FHL1: variants seen among roughly 807,000 people sequenced by gnomAD.
FHL1 encodes the protein four and a half LIM domains protein 1.
FHL1 carries 1 observed loss-of-function variant against 20.3 expected under a neutral mutation model. The observed-to-expected ratio is 0.05, with a 90% confidence interval of 0.02 to 0.23. The LOEUF is 0.23. Ranked by LOEUF, FHL1 falls within the 10% of genes least tolerant of loss-of-function variation. FHL1 has a pLI of 1.00. For synonymous variants in FHL1, 82 were observed against 88.9 expected (o/e 0.92, Z 0.44); for missense variants, 177 against 234.0 (o/e 0.76, Z 1.59).
intron 2 of FHL1, among the ~76,000 whole-genome samples, chrX:136,170,489 AG>A (rs2072834022): frequency 9.0e-6 from 1 of 111,391 alleles, no homozygotes; most frequent in South Asian, 3.8e-4. Flanking sequence ...AATAGGGTCC[AG>A]GAGATTTTCT....
intron 2 of FHL1, among the ~76,000 whole-genome samples, chrX:136,171,768 A>G (rs1379003191): frequency 1.8e-5 from 2 of 112,530 alleles, no homozygotes; most frequent in African/African-American, 6.4e-5. Context: ...ACATCTTTAC[A>G]TTGACCAAAA....
At chrX:136,203,649 A>G (rs777633058) in intron 1 of FHL1, among the ~76,000 whole-genome samples, 2 of 112,260 alleles carry the variant, frequency 1.8e-5, no homozygotes, top group South Asian at 7.4e-4. Context: ...ATGTTCTAGA[A>G]CTATGAGACT....
chrX:136,187,003 G>C (rs2073321902), intron 2 of FHL1, among the ~76,000 whole-genome samples: 1 of 110,700 alleles, frequency 9.0e-6, no homozygotes, highest in African/African-American at 3.3e-5. Context: ...CTATGTACAT[G>C]TTCAAAAAGT....
chrX:136,208,986 T>G (rs1603272664), intron 5 of FHL1, among the ~76,000 whole-genome samples: 1 of 101,400 alleles, frequency 9.9e-6, no homozygotes, highest in Admixed American at 1.1e-4. Context: ...GGGGAAGGGG[T>G]AAGGGAGGCC....
intron 2 of FHL1, among the ~76,000 whole-genome samples, chrX:136,187,874 C>G (rs1013915757): frequency 1.1e-4 from 12 of 111,853 alleles, no homozygotes; most frequent in African/African-American, 3.2e-4. Context: ...TTAAATTTTA[C>G]TTAGAGATGG....
chrX:136,209,719 G>A (rs1220814047), intron 5 of FHL1, 152 bp from the exon 6 acceptor site: 3 of 639,742 alleles, frequency 4.7e-6, no homozygotes, highest in South Asian at 2.9e-5. Flanking sequence ...GGAGGAGGGG[G>A]TCTGGGAGCC....
At chrX:136,162,709 A>G (rs2072605893) in intron 1 of FHL1, among the ~76,000 whole-genome samples, 1 of 111,060 alleles carries the variant, frequency 9.0e-6, no homozygotes, top group South Asian at 3.8e-4. Flanking sequence ...CTCTCAGGAG[A>G]TTTTGAGGCA....
chrX:136,184,768 G>T (rs1291861227), intron 2 of FHL1, among the ~76,000 whole-genome samples: 1 of 111,030 alleles, frequency 9.0e-6, no homozygotes, highest in East Asian at 2.8e-4. Flanking sequence ...TACCTACTTG[G>T]GTACAAAGCC....
At chrX:136,173,761 T>C (rs2072932808) in intron 2 of FHL1, among the ~76,000 whole-genome samples, 1 of 106,100 alleles carries the variant, frequency 9.4e-6, no homozygotes, top group South Asian at 4.4e-4. Context: ...TGCAGTGGCG[T>C]GATCTCCGCT....
chrX:136,199,677 G>C (rs745404878), intron 1 of FHL1, among the ~76,000 whole-genome samples: 24 of 112,518 alleles, frequency 2.1e-4, no homozygotes, highest in Non-Finnish European at 4.1e-4. Flanking sequence ...GTACTGGTAG[G>C]TTGGATTTAG....
rs759110550 is a variant in FHL1 at position 136,206,568 on chromosome X, C to T, written c.184C>T (p.Pro62Ser). Residue 62 changes from proline (P) to serine (S), a missense_variant, in exon 2 of 6, where the codon CCC becomes TCC. By Grantham distance (74) the Pro-to-Ser change is moderately conservative. Coordinates refer to ENST00000370683, the MANE Select transcript of FHL1 (RefSeq NM_001159699.2). The part of the protein sequence containing the change: ...CANTCVECRK[P>S]IGADSKEVHY... ...CAACACCTGTGTGGAATGCCGCAAG[C>T]CCATCGGTGCGGACTCCAAGGTAAC... 1 of 1,212,424 alleles carries T rather than the reference C, an allele frequency of 8.2e-7. No homozygotes were observed.
intron 1 of FHL1, among the ~76,000 whole-genome samples, chrX:136,151,627 C>T (rs763795767): frequency 3.7e-4 from 41 of 112,047 alleles, no homozygotes; most frequent in African/African-American, 1.3e-3. Context: ...GCACGAGAAT[C>T]GCTTGGACCC....
intron 2 of FHL1, among the ~76,000 whole-genome samples, chrX:136,180,496 T>C (rs2073126331): frequency 8.9e-6 from 1 of 112,360 alleles, no homozygotes; most frequent in Non-Finnish European, 1.9e-5. Context: ...GGTCATGGAT[T>C]GAATAAACAC....
At chrX:136,186,880 ATAGATAG>A (rs2073314354) in intron 2 of FHL1, among the ~76,000 whole-genome samples, 1 of 4,011 alleles carries the variant, frequency 2.5e-4, no homozygotes, top group Non-Finnish European at 2.1e-3. Flanking sequence ...ATATATATAT[ATAGATAG>A]ATAGATAGAT....
At chrX:136,173,772 CATT>C (rs2072933759) in intron 2 of FHL1, among the ~76,000 whole-genome samples, 1 of 106,719 alleles carries the variant, frequency 9.4e-6, no homozygotes, top group African/African-American at 3.4e-5. Flanking sequence ...GATCTCCGCT[CATT>C]ATAAGCTCTG....
chrX:136,158,964 T>C (rs1368600176), intron 1 of FHL1, among the ~76,000 whole-genome samples: 1 of 110,515 alleles, frequency 9.0e-6, no homozygotes, highest in Non-Finnish European at 1.9e-5. Flanking sequence ...TGAACCCTAA[T>C]GTAAACCCTA....
At chrX:136,189,752 T>C (rs1256114628) in intron 2 of FHL1, among the ~76,000 whole-genome samples, 1 of 111,690 alleles carries the variant, frequency 9.0e-6, no homozygotes, top group Non-Finnish European at 1.9e-5. Flanking sequence ...AACCAGTAAG[T>C]GATAGAGGCA....
chrX:136,157,055 T>C (rs1376445519), intron 1 of FHL1, among the ~76,000 whole-genome samples: 1 of 111,550 alleles, frequency 9.0e-6, no homozygotes, highest in East Asian at 2.8e-4. Flanking sequence ...AAAATATTTA[T>C]ATCACTAAGC....
chrX:136,188,193 T>G (rs1014198481), intron 2 of FHL1, among the ~76,000 whole-genome samples: 1 of 112,490 alleles, frequency 8.9e-6, no homozygotes, highest in East Asian at 2.8e-4. Flanking sequence ...TAAGTGAAGA[T>G]TGTTAACCCA....
Sources: allele counts gnomAD v4.1 joint callset (sites outside exome capture counted in the v4.1 genomes callset), GRCh38; gene constraint gnomAD v4.1.1; transcripts MANE v1.5; gene names NCBI Gene and HGNC (gene_info 2026-07-23, HGNC 2026-07-21).